Variants in PANK2 observed in about 807,000 individuals in gnomAD.
The protein encoded by PANK2 is pantothenate kinase 2, mitochondrial.
A neutral mutation model predicts 43.1 loss-of-function variants in PANK2; 36 were observed. The observed-to-expected ratio is 0.84, with a 90% CI of 0.64 to 1.10. The LOEUF (loss-of-function observed/expected upper bound fraction) is 1.10. Among genes scored for constraint, PANK2 ranks in the 50% least tolerant of loss-of-function variants. PANK2 has a pLI of 0.00. For synonymous variants in PANK2, 281 were observed against 238.2 expected, an observed-to-expected ratio of 1.18 and a Z score of -1.66; for missense variants, 576 against 593.3, an observed-to-expected ratio of 0.97 and a Z score of 0.30.
chr20:3,902,063 TTAGAG>T (rs2090310645), intron 1 of PANK2, among the ~76,000 whole-genome samples: 1 of 151,970 alleles, frequency 6.6e-6, no homozygotes, highest in African/African-American at 2.4e-5. Context: ...TGTTCAGCCC[TTAGAG>T]TAACCTGATG....
chr20:3,907,868 A>G, intron 1 of PANK2, 58 bp from the exon 2 acceptor site: 1 of 1,454,526 alleles, frequency 6.9e-7, no homozygotes, highest in Non-Finnish European at 9.6e-7. Flanking sequence ...TACTGTGGTA[A>G]GGGTAAATTT....
chr20:3,891,421 A>C (rs1475308097), intron 1 of PANK2: 2 of 152,190 alleles, frequency 1.3e-5, no homozygotes, highest in African/African-American at 4.8e-5. Flanking sequence ...GGTAGGTGGT[A>C]GTATTCCATT....
Position 3,916,935 on chromosome 20 carries a change from A to G in PANK2, c.1091A>G (p.Asn364Ser). Residue 364 changes from asparagine to serine, a missense_variant, in exon 5 of 7, where the codon AAC (asparagine) becomes AGC (serine). Asn to Ser is a conservative substitution (Grantham distance 46). Coordinates refer to ENST00000610179, the MANE Select transcript of PANK2 (RefSeq NM_001386393.1). Reference sequence around the variant, plus strand: ...TTTTTCCCCCATCACAGCTTTGGAAACATGATGAGCAAGGAGAAGCGAGAG... The same window carrying G: ...TTTTTCCCCCATCACAGCTTTGGAAGCATGATGAGCAAGGAGAAGCGAGAG... 1.2e-6 allele frequency: 2 copies of G among 1,614,058 alleles called. No individual in the cohort carries two copies. The highest frequency in any genetic ancestry group is 1.7e-6 in the Non-Finnish European group (2 of 1,179,986).
At chr20:3,899,021 C>T (rs575003502) in intron 1 of PANK2, among the ~76,000 whole-genome samples, 2 of 151,638 alleles carry the variant, frequency 1.3e-5, no homozygotes, top group South Asian at 2.1e-4. Context: ...ATTACAGGTG[C>T]CCACCACTGC....
intron 5 of PANK2, among the ~76,000 whole-genome samples, chr20:3,917,966 G>C (rs1043019819): frequency 6.8e-6 from 1 of 147,296 alleles, no homozygotes; most frequent in Non-Finnish European, 1.5e-5. Context: ...TCAAATAACA[G>C]AGCTTGGCAT....
At chr20:3,896,181 G>C (rs7509501) in intron 1 of PANK2, among the ~76,000 whole-genome samples, 1 of 150,082 alleles carries the variant, frequency 6.7e-6, no homozygotes, top group African/African-American at 2.5e-5. Context: ...TCTTGGCTCA[G>C]CCTCCTGAGT....
chr20:3,900,831 C>T (rs1287119852), intron 1 of PANK2, among the ~76,000 whole-genome samples: 1 of 151,716 alleles, frequency 6.6e-6, no homozygotes, highest in African/African-American at 2.4e-5. Context: ...TGCAGTGGTG[C>T]GATCTTGGCT....
chr20:3,912,334 C>G (rs2090480566), intron 3 of PANK2, 124 bp from the exon 4 acceptor site: 3 of 1,038,720 alleles, frequency 2.9e-6, no homozygotes, highest in Middle Eastern at 2.7e-4. Context: ...GACTTGTTTC[C>G]TACCAGTGGC....
At chr20:3,920,384 C>T (rs1220488597) in intron 6 of PANK2, among the ~76,000 whole-genome samples, 2 of 151,988 alleles carry the variant, frequency 1.3e-5, no homozygotes, top group African/African-American at 2.4e-5. Flanking sequence ...GGCGCAATGG[C>T]GGGCGCCTAT....
intron 4 of PANK2, among the ~76,000 whole-genome samples, chr20:3,916,239 G>T (rs543190648): frequency 1.3e-5 from 2 of 152,134 alleles, no homozygotes; most frequent in Non-Finnish European, 2.9e-5. Context: ...TTTTGAGATC[G>T]TTTAGAAGTA....
chr20:3,894,851 G>T (rs551983116), intron 1 of PANK2, among the ~76,000 whole-genome samples: 1 of 152,200 alleles, frequency 6.6e-6, no homozygotes, highest in African/African-American at 2.4e-5. Flanking sequence ...TTATGCAGCT[G>T]TGTAAAATGG....
In PANK2 at chr20:3,890,010, C is replaced by T. The variant is rs575036778; in HGVS notation, c.298+282C>T. ...CCCTTTTCTTAGCTCCTTGGGCATT[C>T]TCTTCCTGAGGGTCACATGATTTTA... On this transcript the variant is annotated intron_variant, in intron 1 of 6. Coordinates refer to ENST00000610179, the MANE Select transcript of PANK2 (RefSeq NM_001386393.1). 4 of 1,216,668 alleles carry T rather than the reference C, an allele frequency of 3.3e-6. No homozygotes were observed. The African/African-American group carries it at 4.6e-5, about 14-fold the overall frequency. The allele number at this position is 1,216,668 out of a possible 1,614,324, so 75.4% of individuals were successfully genotyped here. A position where few individuals can be genotyped will look rare whatever the true frequency, so the allele number is the denominator to read the frequency against.
In PANK2 at chr20:3,924,663, CCTG is replaced by C; in HGVS notation, c.*1379_*1381del. 3 of 153,094 alleles carry C rather than the reference CCTG, an allele frequency of 2.0e-5. No homozygotes were observed. The highest frequency in any genetic ancestry group is 4.4e-5 in the Non-Finnish European group (3 of 68,664). The allele number at this position is 153,094 out of a possible 1,614,324, so 9.5% of individuals were successfully genotyped here. On this transcript the variant is annotated 3_prime_UTR_variant, in exon 7 of 7. Coordinates refer to ENST00000610179, the MANE Select transcript of PANK2 (RefSeq NM_001386393.1). ...TGGAGAGTGATTGGTGACCCTCTTC[CCTG>C]CTGCTGCTGTTTGCAGGCTCCTGGC...
chr20:3,900,925 C>T (rs539923856), intron 1 of PANK2, among the ~76,000 whole-genome samples: 1 of 151,994 alleles, frequency 6.6e-6, no homozygotes, highest in African/African-American at 2.4e-5. Flanking sequence ...TGCACCACCA[C>T]ACCTGGCTAA....
intron 6 of PANK2, among the ~76,000 whole-genome samples, chr20:3,922,324 C>G (rs1251463358): frequency 6.6e-6 from 1 of 152,210 alleles, no homozygotes; most frequent in East Asian, 1.9e-4. Context: ...CCCGTTTTCT[C>G]TAATGTGCTA....
intron 6 of PANK2, chr20:3,921,568 A>T (rs1442626515): frequency 6.6e-6 from 1 of 152,202 alleles, no homozygotes; most frequent in Non-Finnish European, 1.5e-5. Flanking sequence ...CAAACTGTAT[A>T]GTGAACTATT....
chr20:3,890,607 C>G (rs2090107344), intron 1 of PANK2, among the ~76,000 whole-genome samples: 1 of 152,110 alleles, frequency 6.6e-6, no homozygotes, highest in South Asian at 2.1e-4. Flanking sequence ...TATGGTTGGA[C>G]TTTTTGGTGG....
At position 3,913,812 on chromosome 20, in the gene PANK2, G is replaced by A. The variant is rs1275804100; in HGVS notation, c.1082+1178G>A. Among the ~76,000 whole-genome samples the A allele has an allele frequency of 5.9e-5, 8 of 134,496 alleles. No individual in the cohort carries two copies. The East Asian group carries it at 8.9e-4, about 15-fold the overall frequency. The allele number at this position is 134,496 out of a possible 152,430, so 88.2% of individuals were successfully genotyped here. A position where few individuals can be genotyped will look rare whatever the true frequency, so the allele number is the denominator to read the frequency against. ...TATATTTTTTTTTTTTTTTTGAGAC[G>A]GAGTCTTGGTCTGTCGCCCAGGCTG... On this transcript the variant is annotated intron_variant, in intron 4 of 6. Transcript: ENST00000610179.
intron 1 of PANK2, among the ~76,000 whole-genome samples, chr20:3,897,129 C>T (rs1054030669): frequency 3.3e-5 from 5 of 152,114 alleles, no homozygotes; most frequent in African/African-American, 4.8e-5. Context: ...TGTGTGGGCT[C>T]ACAGAAGTCT....
Sources: gnomAD v4.1 joint callset for allele counts (sites outside exome capture counted in the v4.1 genomes callset) on GRCh38, gnomAD v4.1.1 for gene constraint, MANE v1.5 for transcripts, NCBI Gene and HGNC (gene_info 2026-07-23, HGNC 2026-07-21) for gene names.